The following SLC24A2 variants were observed in gnomAD, a reference collection of about 807,000 sequenced individuals.
SLC24A2 encodes the protein solute carrier family 24 member 2, also known as sodium/potassium/calcium exchanger 2.
In SLC24A2, 36 loss-of-function variants were observed where a neutral mutation model predicts 62.0. That is an observed-to-expected ratio of 0.58 (90% CI 0.44 to 0.77). The LOEUF (loss-of-function observed/expected upper bound fraction) is 0.77. Among genes scored for constraint, SLC24A2 ranks in the 30% least tolerant of loss-of-function variants. The probability of loss-of-function intolerance (pLI) is 0.00; values close to 1 mark genes in which losing one functional copy is unlikely to be tolerated. For missense variants in SLC24A2, 846 were observed against 817.9 expected, an observed-to-expected ratio of 1.03 and a Z score of -0.42; for synonymous variants, 358 against 294.0, an observed-to-expected ratio of 1.22 and a Z score of -2.23.
the SLC24A2 span, among the ~76,000 whole-genome samples, chr9:20,233,757 GATCCT>G: frequency 3.3e-5 from 5 of 152,180 alleles, no homozygotes; most frequent in Non-Finnish European, 5.9e-5. Context: ...GTGTGAATTT[GATCCT>G]GTCATTATGA....
At chr9:19,690,311 C>T (rs1049139574) in intron 2 of SLC24A2, among the ~76,000 whole-genome samples, 1 of 152,064 alleles carries the variant, frequency 6.6e-6, no homozygotes, top group South Asian at 2.1e-4. Flanking sequence ...TGGATCCCAC[C>T]CTCGGCTTCA....
the SLC24A2 span, among the ~76,000 whole-genome samples, chr9:19,880,278 A>C: frequency 6.6e-6 from 1 of 152,212 alleles, no homozygotes; most frequent in Non-Finnish European, 1.5e-5. Flanking sequence ...AGAACCAGGG[A>C]AGTAACTCGG....
upstream of SLC24A2, among the ~76,000 whole-genome samples, chr9:19,792,536 C>CAAAAAAAAAAAAAAAAAAAAAA (rs1165695410): frequency 1.3e-5 from 1 of 74,612 alleles, no homozygotes; most frequent in African/African-American, 4.9e-5. Flanking sequence ...ACTAAAAATA[C>CAAAAAAAAAAAAAAAAAAAAAA]AAAAAAAAAA....
the SLC24A2 span, among the ~76,000 whole-genome samples, chr9:19,835,716 A>C: frequency 2.6e-5 from 4 of 152,298 alleles, no homozygotes; most frequent in South Asian, 2.1e-4. Flanking sequence ...CAGCTCTGCA[A>C]CAAGCAGACC....
chr9:20,282,839 G>T, the SLC24A2 span, among the ~76,000 whole-genome samples: 5 of 151,982 alleles, frequency 3.3e-5, no homozygotes, highest in Non-Finnish European at 7.4e-5. Context: ...CTTTCATGTT[G>T]GACATATAAA....
chr9:19,664,690 C>G (rs1255996605), intron 2 of SLC24A2, among the ~76,000 whole-genome samples: 2 of 152,006 alleles, frequency 1.3e-5, no homozygotes, highest in Non-Finnish European at 2.9e-5. Context: ...TGACTGGTGT[C>G]CTTATAAGGA....
At chr9:20,212,246 C>T in the SLC24A2 span, among the ~76,000 whole-genome samples, 1 of 151,582 alleles carries the variant, frequency 6.6e-6, no homozygotes, top group Non-Finnish European at 1.5e-5. Flanking sequence ...ATAAGTGGTT[C>T]AATTTATAAC....
chr9:19,560,944 G>GAGAGAGACAGACAGAC (rs1381180216), intron 7 of SLC24A2, among the ~76,000 whole-genome samples: 7 of 143,114 alleles, frequency 4.9e-5, no homozygotes, highest in African/African-American at 1.8e-4. Context: ...GAGAGAGAGA[G>GAGAGAGACAGACAGAC]AGACAGAGTC....
chr9:19,550,221 A>C lies in SLC24A2; in HGVS notation c.1395T>G (p.Ser465=), dbSNP rs779389993. The change falls in exon 8 of 11, where the codon TCT becomes TCG. Residue 465 remains serine, a synonymous_variant. Transcript: ENST00000341998. ...EDQPLSLAWP[S]ETRKQVTFLI... is the part of the protein sequence containing the mutation. ...GAAACGTGACTTGCTTGCGGGTTTC[A>C]GAAGGCCAGGCAAGGCTGAGAGGCT... 4 of 1,614,068 alleles carry C rather than the reference A, an allele frequency of 2.5e-6. No homozygotes were observed. In the African/African-American group the frequency reaches 5.3e-5, roughly 22 times the overall value.
the SLC24A2 span, among the ~76,000 whole-genome samples, chr9:19,954,414 T>C: frequency 1.3e-5 from 2 of 152,020 alleles, no homozygotes; most frequent in Non-Finnish European, 2.9e-5. Context: ...TTAACCAGGA[T>C]CTTTCTGAGA....
rs1589108275 is a variant in SLC24A2, at chr9:19,511,045, G to A, written c.*5108C>T. ...TACATTAGCTGGGGGGAGTCATTGT[G>A]GAAAACAGATTCCTTCCAGAGCAAA... On this transcript the variant is annotated 3_prime_UTR_variant, in exon 11 of 11. Coordinates refer to ENST00000341998, the MANE Select transcript of SLC24A2 (RefSeq NM_020344.4). The A allele has an allele frequency of 6.6e-6, 1 of 152,140 alleles. No individual in the cohort carries two copies. The highest frequency in any genetic ancestry group is 1.9e-4 in the East Asian group (1 of 5,188). 9.4% of individuals were successfully genotyped at this position (152,140 alleles called of 1,614,324 possible). A position where few individuals can be genotyped will look rare whatever the true frequency, so the allele number is the denominator to read the frequency against.
the SLC24A2 span, among the ~76,000 whole-genome samples, chr9:20,224,021 C>T: frequency 6.6e-6 from 1 of 151,892 alleles, no homozygotes; most frequent in Non-Finnish European, 1.5e-5. Flanking sequence ...CACTTTAAAC[C>T]ATCAGATCTC....
chr9:19,960,494 C>A, the SLC24A2 span, among the ~76,000 whole-genome samples: 1 of 152,176 alleles, frequency 6.6e-6, no homozygotes, highest in Admixed American at 6.5e-5. Flanking sequence ...CCTTGTGAGA[C>A]TGGAACCTTG....
chr9:19,593,543 T>C (rs116804209), intron 5 of SLC24A2, among the ~76,000 whole-genome samples: 48 of 152,258 alleles, frequency 3.2e-4, no homozygotes, highest in African/African-American at 1.1e-3. Flanking sequence ...AAGTATATTG[T>C]TTTATTAAAA....
chr9:20,129,517 G>T, the SLC24A2 span, among the ~76,000 whole-genome samples: 1 of 152,000 alleles, frequency 6.6e-6, no homozygotes, highest in East Asian at 1.9e-4. Flanking sequence ...CCAAAAGATG[G>T]AAACAACCTA....
chr9:20,005,553 C>G, the SLC24A2 span, among the ~76,000 whole-genome samples: 1 of 151,896 alleles, frequency 6.6e-6, no homozygotes, highest in African/African-American at 2.4e-5. Flanking sequence ...GACTTGAACT[C>G]AAGTTTCTGA....
intron 4 of SLC24A2, among the ~76,000 whole-genome samples, chr9:19,616,336 G>C (rs1255754591): frequency 6.6e-6 from 1 of 152,150 alleles, no homozygotes; most frequent in Non-Finnish European, 1.5e-5. Flanking sequence ...CTATGATGCA[G>C]ACATCATTAT....
At chr9:19,652,527 G>T (rs148963583) in intron 2 of SLC24A2, among the ~76,000 whole-genome samples, 198 of 152,192 alleles carry the variant, frequency 1.3e-3, no homozygotes, top group East Asian at 6.8e-3. Flanking sequence ...GGGGGAATGG[G>T]ACGCACACCA....
At chr9:20,229,390 T>C in the SLC24A2 span, among the ~76,000 whole-genome samples, 9 of 152,304 alleles carry the variant, frequency 5.9e-5, no homozygotes, top group East Asian at 1.5e-3. Context: ...TAGGCTAATA[T>C]ATATAAAGAA....
Sources: gnomAD v4.1 joint callset for allele counts (sites outside exome capture counted in the v4.1 genomes callset) on GRCh38, gnomAD v4.1.1 for gene constraint, MANE v1.5 for transcripts, NCBI Gene and HGNC (gene_info 2026-07-23, HGNC 2026-07-21) for gene names.